NCALD: variants seen among roughly 807,000 people sequenced by gnomAD.
NCALD encodes the protein neurocalcin-delta.
A neutral mutation model predicts 18.6 loss-of-function variants in NCALD; 10 were observed. The observed-to-expected ratio is 0.54, with a 90% CI of 0.33 to 0.91. The LOEUF (loss-of-function observed/expected upper bound fraction) is 0.91, where lower values mean the gene tolerates loss of function less well. Ranked by LOEUF, NCALD falls within the 40% of genes least tolerant of loss-of-function variation. The probability of loss-of-function intolerance (pLI) is 0.03; values close to 1 mark genes in which losing one functional copy is unlikely to be tolerated. For synonymous variants in NCALD, 88 were observed against 87.4 expected (o/e 1.01, Z -0.04); for missense variants, 184 against 247.6 (o/e 0.74, Z 1.72).
At chr8:102,100,938 T>A (rs1053369097) in intron 1 of NCALD, among the ~76,000 whole-genome samples, 1 of 148,408 alleles carries the variant, frequency 6.7e-6, no homozygotes, top group African/African-American at 2.5e-5. Context: ...TTACAGAGTT[T>A]GAGTTGGGGA....
At position 101,777,139 on chromosome 8, in the gene NCALD, C is replaced by T. The variant is rs145247093; in HGVS notation, c.-20+13723G>A. Among the ~76,000 whole-genome samples, 29 of 152,326 alleles carry T rather than the reference C, an allele frequency of 1.9e-4. No homozygotes were observed. The East Asian group carries it at 5.2e-3, about 27-fold the overall frequency. ...TGACTAAAAAGGAGGTCACTAGCCCCATCAGCAAAGAAAGACAACACACCT... is the reference window on the plus strand; with the variant it reads ...TGACTAAAAAGGAGGTCACTAGCCCTATCAGCAAAGAAAGACAACACACCT... On this transcript the variant is annotated intron_variant, in intron 1 of 3. Transcript: ENST00000220931.
At chr8:102,118,220 T>C (rs1381717232) in intron 1 of NCALD, among the ~76,000 whole-genome samples, 1 of 152,160 alleles carries the variant, frequency 6.6e-6, no homozygotes, top group African/African-American at 2.4e-5. Context: ...CAGGCCACAA[T>C]GGGCAGTAGT....
chr8:101,692,638 G>A (rs1032976829), intron 3 of NCALD, 153 bp downstream of exon 3: 1 of 961,434 alleles, frequency 1.0e-6, no homozygotes, highest in Non-Finnish European at 1.2e-6. Flanking sequence ...GCTCTCCTGT[G>A]GCCACCTGGT....
chr8:102,000,404 A>C (rs1205058996), intron 2 of NCALD, among the ~76,000 whole-genome samples: 1 of 152,206 alleles, frequency 6.6e-6, no homozygotes, highest in African/African-American at 2.4e-5. Context: ...GGTAGAGCCC[A>C]CTGCAGCTCA....
chr8:101,931,496 A>G (rs530150599), intron 2 of NCALD, among the ~76,000 whole-genome samples: 47 of 152,316 alleles, frequency 3.1e-4, no homozygotes, highest in African/African-American at 1.1e-3. Flanking sequence ...ACTCAAGTAA[A>G]ACGTGTGCAT....
chr8:101,974,986 G>A (rs189543464), intron 2 of NCALD, among the ~76,000 whole-genome samples: 107 of 152,254 alleles, frequency 7.0e-4, no homozygotes, highest in Non-Finnish European at 1.1e-3. Flanking sequence ...TAGAACATTT[G>A]AGCAAGACAG....
chr8:101,705,223 CA>C (rs1815456781), intron 2 of NCALD, among the ~76,000 whole-genome samples: 1 of 142,568 alleles, frequency 7.0e-6, no homozygotes, highest in Non-Finnish European at 1.5e-5. Context: ...GACTTCATCT[CA>C]AAATAAATAA....
chr8:102,063,115 C>T (rs1823899993), intron 1 of NCALD, among the ~76,000 whole-genome samples: 1 of 152,252 alleles, frequency 6.6e-6, no homozygotes. Flanking sequence ...AACTGCAAAG[C>T]CAATAAAACT....
At chr8:101,771,842 G>C (rs1811596894) in intron 1 of NCALD, among the ~76,000 whole-genome samples, 1 of 152,162 alleles carries the variant, frequency 6.6e-6, no homozygotes, top group Admixed American at 6.6e-5. Context: ...ATATACGCAA[G>C]GTACTATCTA....
chr8:102,001,517 TAC>T (rs1821465486), intron 2 of NCALD, among the ~76,000 whole-genome samples: 1 of 152,084 alleles, frequency 6.6e-6, no homozygotes, highest in Non-Finnish European at 1.5e-5. Context: ...ATTCAGGAAA[TAC>T]AGAGAATGCC....
intron 2 of NCALD, 126 bp downstream of exon 2, chr8:101,719,126 G>C: frequency 9.0e-7 from 1 of 1,108,550 alleles, no homozygotes; most frequent in South Asian, 1.6e-5. Context: ...AACATGCAGG[G>C]TGGGCCAAAT....
intron 1 of NCALD, among the ~76,000 whole-genome samples, chr8:102,099,952 A>G (rs1405450017): frequency 6.6e-6 from 1 of 151,228 alleles, no homozygotes; most frequent in Non-Finnish European, 1.5e-5. Context: ...AGCCTGGACA[A>G]CAGAGTAAGA....
chr8:101,807,257 C>T (rs1469213386), intron 4 of NCALD, among the ~76,000 whole-genome samples: 1 of 152,082 alleles, frequency 6.6e-6, no homozygotes, highest in Non-Finnish European at 1.5e-5. Context: ...CATATTTCTT[C>T]TTCTTTCTTC....
At chr8:101,723,443 A>G (rs1030842182) in intron 1 of NCALD, among the ~76,000 whole-genome samples, 1 of 152,194 alleles carries the variant, frequency 6.6e-6, no homozygotes, top group Non-Finnish European at 1.5e-5. Flanking sequence ...AAAAAAACTG[A>G]ATTAGCATAT....
At chr8:101,854,716 C>G (rs1351249509) in intron 4 of NCALD, among the ~76,000 whole-genome samples, 1 of 152,192 alleles carries the variant, frequency 6.6e-6, no homozygotes, top group Non-Finnish European at 1.5e-5. Context: ...TCAGGGCTAA[C>G]ACACCGATTA....
At chr8:101,702,003 G>A (rs1334056323) in intron 2 of NCALD, among the ~76,000 whole-genome samples, 2 of 152,144 alleles carry the variant, frequency 1.3e-5, no homozygotes, top group African/African-American at 4.8e-5. Context: ...ATCAGTAATT[G>A]TCATATTTTT....
intron 4 of NCALD, among the ~76,000 whole-genome samples, chr8:101,885,180 T>G (rs923622155): frequency 6.6e-6 from 1 of 152,204 alleles, no homozygotes; most frequent in African/African-American, 2.4e-5. Context: ...AAAACCATCC[T>G]GACTTAAGGA....
chr8:101,775,905 C>T (rs1216825648), intron 1 of NCALD, among the ~76,000 whole-genome samples: 1 of 152,162 alleles, frequency 6.6e-6, no homozygotes, highest in East Asian at 1.9e-4. Flanking sequence ...GCTCCTGAGT[C>T]ATACAACTGA....
At chr8:101,804,962 C>T (rs1482170784) in intron 4 of NCALD, among the ~76,000 whole-genome samples, 1 of 151,914 alleles carries the variant, frequency 6.6e-6, no homozygotes, top group East Asian at 1.9e-4. Context: ...AACTTACATG[C>T]AACACTACTT....
Sources: gnomAD v4.1 joint callset for allele counts (sites outside exome capture counted in the v4.1 genomes callset) on GRCh38, gnomAD v4.1.1 for gene constraint, MANE v1.5 for transcripts, NCBI Gene and HGNC (gene_info 2026-07-23, HGNC 2026-07-21) for gene names.